The following ZBTB20 variants were observed in gnomAD, a reference collection of about 807,000 sequenced individuals.
ZBTB20 encodes the protein zinc finger and BTB domain containing 20.
Under a neutral mutation model 56.9 loss-of-function variants are expected in ZBTB20, and 9 were observed. The ratio of observed to expected loss-of-function variants is 0.16; its 90% CI spans 0.10 to 0.28. The LOEUF (loss-of-function observed/expected upper bound fraction) is 0.28. Among genes scored for constraint, ZBTB20 ranks in the 10% least tolerant of loss-of-function variants. The pLI is 1.00. For synonymous variants in ZBTB20, 417 were observed against 420.7 expected, an observed-to-expected ratio of 0.99 and a Z score of 0.11; for missense variants, 655 against 1,003.0, an observed-to-expected ratio of 0.65 and a Z score of 4.69.
chr3:114,348,179 A>G (rs1209294600), intron 11 of ZBTB20, among the ~76,000 whole-genome samples: 1 of 152,238 alleles, frequency 6.6e-6, no homozygotes, highest in Non-Finnish European at 1.5e-5. Context: ...TGATAGGTCT[A>G]CTTGAAGAGA....
rs1251859288 is a variant in ZBTB20 at position 114,527,154 on chromosome 3, C to T, written c.-294-26763G>A. ...TTAGCTGCAGATGAGCCACATTTAA[C>T]TTTAAAAAAAATAAAAATTTAAAAA... On this transcript the variant is annotated intron_variant, in intron 6 of 11. Transcript: ENST00000675478. 2.6e-5 allele frequency: 4 copies of T among 152,144 alleles called. No homozygotes were observed. The East Asian group carries it at 5.8e-4, about 22-fold the overall frequency. The allele number at this position is 152,144 out of a possible 1,614,324, so 9.4% of individuals were successfully genotyped here.
chr3:114,362,373 T>C (rs1221476817), intron 10 of ZBTB20, among the ~76,000 whole-genome samples: 1 of 152,184 alleles, frequency 6.6e-6, no homozygotes, highest in Admixed American at 6.5e-5. Context: ...GCCCAGCATG[T>C]TTCTTTATAA....
chr3:115,016,152 T>C (rs1015717994), intron 2 of ZBTB20, among the ~76,000 whole-genome samples: 1 of 152,056 alleles, frequency 6.6e-6, no homozygotes, highest in African/African-American at 2.4e-5. Flanking sequence ...TGCCCACTTT[T>C]TAATGGGATT....
At chr3:115,043,889 G>T (rs1576636450) in intron 2 of ZBTB20, among the ~76,000 whole-genome samples, 1 of 152,218 alleles carries the variant, frequency 6.6e-6, no homozygotes, top group East Asian at 1.9e-4. Flanking sequence ...GGATCATGGG[G>T]GTTGATACCT....
At chr3:114,809,055 G>A (rs1027104520) in intron 4 of ZBTB20, among the ~76,000 whole-genome samples, 12 of 149,984 alleles carry the variant, frequency 8.0e-5, no homozygotes, top group Non-Finnish European at 1.5e-4. Context: ...GCTGTTAATC[G>A]TAGTGTTGTT....
chr3:114,706,922 A>T (rs923441647), intron 5 of ZBTB20, among the ~76,000 whole-genome samples: 1 of 152,098 alleles, frequency 6.6e-6, no homozygotes, highest in Non-Finnish European at 1.5e-5. Flanking sequence ...AAGAGGGGAA[A>T]AAAAGGGGGT....
intron 7 of ZBTB20, among the ~76,000 whole-genome samples, chr3:114,459,313 T>C (rs769218058): frequency 6.6e-6 from 1 of 152,324 alleles, no homozygotes; most frequent in Non-Finnish European, 1.5e-5. Flanking sequence ...CCTCATGCTA[T>C]AGAGAGATTT....
chr3:114,618,619 C>A (rs1276493899), intron 6 of ZBTB20, among the ~76,000 whole-genome samples: 1 of 152,146 alleles, frequency 6.6e-6, no homozygotes, highest in African/African-American at 2.4e-5. Context: ...TTAAATCCAT[C>A]TTTAATGAAT....
chr3:114,423,540 A>G lies in ZBTB20; in HGVS notation c.-254-34435T>C, dbSNP rs142100369. The stretch of plus-strand genomic sequence containing the variant: ...TCCTTCCTTGTTTGCCCAAAATATT[A>G]AAGAGATAATTTGATAATGGTCATT... On this transcript the variant is annotated intron_variant, in intron 7 of 11. Transcript: ENST00000675478. Among the ~76,000 whole-genome samples the G allele has an allele frequency of 6.8e-4, 104 of 152,304 alleles. 2 individuals carry two copies. Among genetic ancestry groups the G allele is most frequent in the Middle Eastern group, 3.4e-3 (1 of 292 alleles).
At chr3:114,486,319 T>G (rs1272605400) in intron 7 of ZBTB20, among the ~76,000 whole-genome samples, 1 of 152,130 alleles carries the variant, frequency 6.6e-6, no homozygotes, top group Non-Finnish European at 1.5e-5. Context: ...AGATGAGTAA[T>G]GTTAATGACT....
At chr3:114,623,452 C>A (rs2058456961) in intron 6 of ZBTB20, among the ~76,000 whole-genome samples, 1 of 152,102 alleles carries the variant, frequency 6.6e-6, no homozygotes, top group African/African-American at 2.4e-5. Context: ...TCCTGGGAAC[C>A]AAATAAGGAT....
intron 6 of ZBTB20, among the ~76,000 whole-genome samples, chr3:114,569,794 G>A (rs11708358): frequency 0.094 from 14,207 of 151,532 alleles, 785 homozygotes; most frequent in African/African-American, 0.14. Flanking sequence ...GAAACACAGA[G>A]TCGATCACTA....
intron 2 of ZBTB20, among the ~76,000 whole-genome samples, chr3:115,018,793 G>A (rs1321969092): frequency 1.3e-5 from 2 of 151,238 alleles, no homozygotes; most frequent in Admixed American, 6.6e-5. Context: ...AAGACACCAG[G>A]GCAGTCTGCT....
intron 6 of ZBTB20, among the ~76,000 whole-genome samples, chr3:114,603,108 T>G (rs150520459): frequency 1.3e-5 from 2 of 152,066 alleles, no homozygotes; most frequent in Non-Finnish European, 2.9e-5. Context: ...TATTAACTTA[T>G]GCTCTTTCTG....
At chr3:115,006,355 C>T (rs1576545679) in intron 2 of ZBTB20, among the ~76,000 whole-genome samples, 1 of 151,732 alleles carries the variant, frequency 6.6e-6, no homozygotes, top group African/African-American at 2.4e-5. Flanking sequence ...GTTTCTAGCA[C>T]TTCGGGTACT....
intron 2 of ZBTB20, among the ~76,000 whole-genome samples, chr3:115,004,703 C>A (rs1432072858): frequency 6.6e-6 from 1 of 151,626 alleles, no homozygotes; most frequent in African/African-American, 2.4e-5. Flanking sequence ...TATTAAAGGG[C>A]ATAATATTTC....
intron 6 of ZBTB20, among the ~76,000 whole-genome samples, chr3:114,606,656 C>T (rs971188874): frequency 6.6e-6 from 1 of 152,128 alleles, no homozygotes; most frequent in African/African-American, 2.4e-5. Flanking sequence ...ACATAAATCC[C>T]CACCACTACA....
At chr3:114,943,507 A>C (rs1433012453) in intron 3 of ZBTB20, among the ~76,000 whole-genome samples, 2 of 145,708 alleles carry the variant, frequency 1.4e-5, no homozygotes, top group African/African-American at 2.8e-5. Flanking sequence ...AAAGGAAAAG[A>C]GTGAGAATAA....
intron 11 of ZBTB20, among the ~76,000 whole-genome samples, chr3:114,341,843 A>G (rs2079797003): frequency 6.6e-6 from 1 of 152,166 alleles, no homozygotes; most frequent in Non-Finnish European, 1.5e-5. Flanking sequence ...TCCGTGGTGG[A>G]CTGCAACCCC....
Sources: gnomAD v4.1 joint callset for allele counts (sites outside exome capture counted in the v4.1 genomes callset) on GRCh38, gnomAD v4.1.1 for gene constraint, MANE v1.5 for transcripts, NCBI Gene and HGNC (gene_info 2026-07-23, HGNC 2026-07-21) for gene names.